The following CD163 variants were observed in gnomAD, a reference collection of about 807,000 sequenced individuals.
The protein encoded by CD163 is scavenger receptor cysteine-rich type 1 protein M130.
A neutral mutation model predicts 129.2 loss-of-function variants in CD163; 64 were observed. The observed-to-expected ratio is 0.50, with a 90% CI of 0.41 to 0.61. CD163 has a LOEUF of 0.61. CD163 is among the 20% of genes least tolerant of loss of function. CD163 has a pLI of 0.00. For missense variants in CD163, 1,061 were observed against 1,377.9 expected (o/e 0.77, Z 3.64); for synonymous variants, 446 against 478.5 (o/e 0.93, Z 0.89).
intron 16 of CD163, 74 bp from the exon 17 acceptor site, chr12:7,471,471 G>C (rs1949001965): frequency 1.3e-5 from 2 of 152,044 alleles, no homozygotes; most frequent in Non-Finnish European, 2.9e-5. Context: ...ATAACACAAA[G>C]AGAAACTCAC....
intron 16 of CD163, among the ~76,000 whole-genome samples, chr12:7,478,855 A>C (rs1283707542): frequency 2.0e-5 from 3 of 152,170 alleles, no homozygotes; most frequent in African/African-American, 7.2e-5. Context: ...CTTTTTCTAC[A>C]TTTCATTTCT....
In CD163 at chr12:7,501,389, C is replaced by A. The variant is rs757252262; in HGVS notation, c.207G>T (p.Gln69His). The A allele has an allele frequency of 3.7e-6, 6 of 1,614,084 alleles. No individual in the cohort carries two copies. The South Asian group carries it at 6.6e-5, about 18-fold the overall frequency. The change falls in exon 3 of 17, where the codon CAG becomes CAT. Residue 69 changes from glutamine to histidine, a missense_variant. Transcript: ENST00000432237. ...TATTACACACCGTTCCCCACTCCTC[C>A]TGGACTTTCACTTCCACTCTCCCGC... Reference protein sequence around the residue: ...KCSGRVEVKVQEEWGTVCNNG... With the variant: ...KCSGRVEVKVHEEWGTVCNNG...
rs769392652 is a variant in CD163 at position 7,485,144 on chromosome 12, C to T, written c.2731G>A (p.Glu911Lys). 6.2e-7 allele frequency: 1 copy of T among 1,613,810 alleles called. No homozygotes were observed. The highest frequency in any genetic ancestry group is 8.5e-7 in the Non-Finnish European group (1 of 1,179,804). The change falls in exon 11 of 17, where the codon GAG becomes AAG. Residue 911 changes from glutamate to lysine, a missense_variant. Transcript: ENST00000432237. The surrounding 1 kb of genome is among the most constrained non-coding windows in gnomAD (Gnocchi z 4.5). ...TLWQCPSSPW[E>K]KRLASPSEET... ...TCCGAGGGGCTGGCCAGTCTCTTCT[C>T]CCATGGAGATGATGGGCACTGCCAC...
chr12:7,486,371 T>C, intron 10 of CD163, 128 bp downstream of exon 10: 1 of 871,716 alleles, frequency 1.1e-6, no homozygotes, highest in Non-Finnish European at 1.7e-6. Context: ...ACTTCTGTTG[T>C]CCTGACTCCC....
chr12:7,503,597 T>C, intron 1 of CD163, 48 bp downstream of exon 1: 1 of 1,233,730 alleles, frequency 8.1e-7, no homozygotes, highest in Non-Finnish European at 1.2e-6. Context: ...TCATAATAAT[T>C]ACATACCCCA....
intron 6 of CD163, among the ~76,000 whole-genome samples, chr12:7,492,350 A>G (rs978009432): frequency 6.6e-6 from 1 of 152,146 alleles, no homozygotes; most frequent in African/African-American, 2.4e-5. Context: ...ATCCTGAATA[A>G]TTTAGAACAT....
At chr12:7,503,126 A>C (rs1260046824) in intron 1 of CD163, among the ~76,000 whole-genome samples, 1 of 152,204 alleles carries the variant, frequency 6.6e-6, no homozygotes, top group Non-Finnish European at 1.5e-5. Context: ...TGAAAAACTC[A>C]AATATTAAAT....
rs1367301458 is a variant in CD163, at chr12:7,487,266, CT to C, written c.2050+92del. On this transcript the variant is annotated intron_variant, in intron 8 of 16. Coordinates refer to ENST00000432237, the MANE Select transcript of CD163 (RefSeq NM_203416.4). The surrounding 1 kb of genome is among the most constrained non-coding windows in gnomAD (Gnocchi z 5.1). ...ATTAGTATTCATTCTTCTCATGACC[CT>C]TCAAAATGGATCACTGCGTTTTACT... 2 of 1,335,762 alleles carry C rather than the reference CT, an allele frequency of 1.5e-6. No individual in the cohort carries two copies. Among genetic ancestry groups the C allele is most frequent in the Non-Finnish European group, 2.0e-6 (2 of 990,002 alleles). The allele number at this position is 1,335,762 out of a possible 1,614,324, so 82.7% of individuals were successfully genotyped here.
At chr12:7,479,177 T>C (rs1267521970) in intron 16 of CD163, among the ~76,000 whole-genome samples, 3 of 152,062 alleles carry the variant, frequency 2.0e-5, no homozygotes, top group Non-Finnish European at 2.9e-5. Flanking sequence ...CCACCTCTCT[T>C]CTCTCCACAT....
chr12:7,480,474 G>A (rs1389487085), intron 15 of CD163: 4 of 152,424 alleles, frequency 2.6e-5, no homozygotes, highest in Non-Finnish European at 4.4e-5. Flanking sequence ...GACTTTTAGG[G>A]AAAAATATAA....
chr12:7,496,803 T>C lies in CD163; in HGVS notation c.1099+10A>G. The C allele has an allele frequency of 1.9e-6, 3 of 1,613,524 alleles. No homozygotes were observed. Among genetic ancestry groups the C allele is most frequent in the Non-Finnish European group, 2.5e-6 (3 of 1,179,564 alleles). On this transcript the variant is annotated intron_variant, in intron 5 of 16. Coordinates refer to ENST00000432237, the MANE Select transcript of CD163 (RefSeq NM_203416.4). This position sits in a 1 kb window ranked among gnomAD's most constrained non-coding sequence, Gnocchi z 4.8. ...TTTAGTGTTTTGGTTTTGGTTTGGT[T>C]TTAACTTACCAGAACATGTCACGCC...
Position 7,496,712 on chromosome 12 carries a change from A to G in CD163, c.1099+101T>C. On this transcript the variant is annotated intron_variant, in intron 5 of 16. Transcript: ENST00000432237. This position sits in a 1 kb window ranked among gnomAD's most constrained non-coding sequence, Gnocchi z 4.8. ...AGCAAGGAATTTACTAGGCATTTCT[A>G]CTTCTTAAGGAGCACGTTCCTACTC... The G allele has an allele frequency of 1.4e-5, 13 of 928,526 alleles. No homozygotes were observed. The highest frequency in any genetic ancestry group is 2.2e-5 in the Non-Finnish European group (13 of 593,000). 57.5% of individuals were successfully genotyped at this position (928,526 alleles called of 1,614,324 possible).
In CD163 at chr12:7,503,717, C is replaced by A; in HGVS notation, c.-27G>T. ...CCAAAGATTTATAACTTCAATGATT[C>A]CTAAATCTTCTTGTATTATTCCCTA... On this transcript the variant is annotated 5_prime_UTR_variant, in exon 1 of 17. Coordinates refer to ENST00000432237, the MANE Select transcript of CD163 (RefSeq NM_203416.4). 1 of 1,445,090 alleles carries A rather than the reference C, an allele frequency of 6.9e-7. No homozygotes were observed. The highest frequency in any genetic ancestry group is 1.2e-5 in the South Asian group (1 of 84,716). 89.5% of individuals were successfully genotyped at this position (1,445,090 alleles called of 1,614,324 possible). A position where few individuals can be genotyped will look rare whatever the true frequency, so the allele number is the denominator to read the frequency against.
rs1948999175 is a variant in CD163 at position 7,471,265 on chromosome 12, A to AT, written c.*163dup. On this transcript the variant is annotated 3_prime_UTR_variant, in exon 17 of 17. Coordinates refer to ENST00000432237, the MANE Select transcript of CD163 (RefSeq NM_203416.4). ...ACATTCACAAACTTAATTTTTATAA[A>AT]TTCAGCAGCAGTCTTAGGAATCCTA... 1 of 152,392 alleles carries AT rather than the reference A, an allele frequency of 6.6e-6. No individual in the cohort carries two copies. Among genetic ancestry groups the AT allele is most frequent in the African/African-American group, 2.4e-5 (1 of 41,440 alleles). 9.4% of individuals were successfully genotyped at this position (152,392 alleles called of 1,614,324 possible). A position where few individuals can be genotyped will look rare whatever the true frequency, so the allele number is the denominator to read the frequency against.
chr12:7,499,205 AC>A lies in CD163; in HGVS notation c.458-18del, dbSNP rs1949445145. On this transcript the variant is annotated intron_variant, in intron 3 of 16. Coordinates refer to ENST00000432237, the MANE Select transcript of CD163 (RefSeq NM_203416.4). ...TGGATCCATCTGGAGCAGAGAAAAG[AC>A]CAGAGTTCAGAAGTTACATTCATTT... The A allele has an allele frequency of 1.9e-6, 3 of 1,588,726 alleles. No homozygotes were observed. The highest frequency in any genetic ancestry group is 2.6e-6 in the Non-Finnish European group (3 of 1,167,506).
At chr12:7,480,118 G>A in intron 15 of CD163, 1 of 823,566 alleles carries the variant, frequency 1.2e-6, no homozygotes, top group Admixed American at 3.0e-5. Flanking sequence ...TGATTTAAGG[G>A]GCAGAGAAAG....
intron 14 of CD163, among the ~76,000 whole-genome samples, chr12:7,482,374 G>GA (rs1007423985): frequency 2.0e-5 from 3 of 151,888 alleles, no homozygotes; most frequent in Non-Finnish European, 2.9e-5. Context: ...TTTAAAAAAT[G>GA]AAAAAAATCT....
At position 7,495,172 on chromosome 12, in the gene CD163, G is replaced by A. The variant is rs138827971; in HGVS notation, c.1329C>T (p.Asn443=). 2.3e-3 allele frequency: 3,683 copies of A among 1,614,088 alleles called. 6 individuals are homozygous for A. The highest frequency in any genetic ancestry group is 2.9e-3 in the Non-Finnish European group (3,436 of 1,179,988). The part of the protein sequence containing the change: ...TNTWLFLSSC[N]GNETSLWDCK... ...AGTCCCAAAGAGAAGTTTCATTTCC[G>A]TTACAGCTACTTAGAAACAGCCATG... The change falls in exon 6 of 17, where the codon AAC becomes AAT. Residue 443 remains asparagine, a synonymous_variant. Transcript: ENST00000432237.
At chr12:7,480,342 AGTGCACTG>A (rs1949145258) in intron 15 of CD163, 1 of 189,404 alleles carries the variant, frequency 5.3e-6, no homozygotes, top group South Asian at 1.2e-4. Flanking sequence ...ATGCAGAATT[AGTGCACTG>A]GTGCTAAATA....
Sources: gnomAD v4.1 joint callset for allele counts (sites outside exome capture counted in the v4.1 genomes callset) on GRCh38, gnomAD v4.1.1 for gene constraint, Gnocchi (gnomAD v3.1) non-coding constraint, MANE v1.5 for transcripts, NCBI Gene and HGNC (gene_info 2026-07-23, HGNC 2026-07-21) for gene names.